Variants in GPRIN3 observed in about 807,000 individuals in gnomAD.
GPRIN3 encodes the protein GPRIN family member 3.
In GPRIN3, 12 loss-of-function variants were observed where a neutral mutation model predicts 13.7. The observed-to-expected ratio is 0.87, with a 90% CI of 0.56 to 1.42. The LOEUF is 1.42. Among genes scored for constraint, GPRIN3 ranks in the 40% most tolerant of loss-of-function variants. The pLI, the probability that GPRIN3 is intolerant of heterozygous loss-of-function variation, is 0.00. For synonymous variants in GPRIN3, 377 were observed against 372.7 expected (o/e 1.01, Z -0.13); for missense variants, 1,009 against 958.7 (o/e 1.05, Z -0.69).
chr4:89,284,522 A>G lies in GPRIN3; in HGVS notation c.-124+23093T>C, dbSNP rs183070790. Among the ~76,000 whole-genome samples the G allele has an allele frequency of 7.0e-4, 107 of 152,304 alleles. 3 individuals carry two copies. Among genetic ancestry groups the G allele is most frequent in the Admixed American group, 6.9e-3 (105 of 15,308 alleles). On this transcript the variant is annotated intron_variant, in intron 1 of 1. Coordinates refer to ENST00000609438, the MANE Select transcript of GPRIN3 (RefSeq NM_198281.3). Reference sequence around the variant, plus strand: ...CTCTAGGATTGTTGTGCATTCTTAGAAGAGAGTTTTGCACACAGGTTAGCT... The same window carrying G: ...CTCTAGGATTGTTGTGCATTCTTAGGAGAGAGTTTTGCACACAGGTTAGCT...
At chr4:89,289,868 TG>T (rs1724525608) in intron 1 of GPRIN3, among the ~76,000 whole-genome samples, 1 of 152,118 alleles carries the variant, frequency 6.6e-6, no homozygotes, top group Non-Finnish European at 1.5e-5. Context: ...CTCAAAAGTC[TG>T]TCAGTAACTT....
At chr4:89,282,981 T>A (rs533268827) in intron 1 of GPRIN3, among the ~76,000 whole-genome samples, 28 of 152,350 alleles carry the variant, frequency 1.8e-4, no homozygotes, top group Admixed American at 1.7e-3. Flanking sequence ...AATGGAGGAA[T>A]GTTTTTCTGA....
intron 1 of GPRIN3, among the ~76,000 whole-genome samples, chr4:89,255,970 C>T (rs190422956): frequency 3.3e-5 from 5 of 152,270 alleles, no homozygotes; most frequent in Admixed American, 6.5e-5. Context: ...TCCTTAAAAT[C>T]GTGAGCAGAG....
intron 1 of GPRIN3, among the ~76,000 whole-genome samples, chr4:89,280,709 C>T (rs181943378): frequency 6.6e-6 from 1 of 152,198 alleles, no homozygotes; most frequent in East Asian, 1.9e-4. Context: ...AGGGTGGGCC[C>T]TAAATCCAAT....
At position 89,244,023 on chromosome 4, in the gene GPRIN3, T is replaced by A. The variant is rs1249308809; in HGVS notation, c.*3757A>T. On this transcript the variant is annotated 3_prime_UTR_variant, in exon 2 of 2. Transcript: ENST00000609438. ...AATTTATATTAACAGCACACTTGCA[T>A]ATATCCTCTGTAAACACATTTTAAA... 4.6e-5 allele frequency: 7 copies of A among 152,216 alleles called. No individual in the cohort carries two copies. Among genetic ancestry groups the A allele is most frequent in the Admixed American group, 4.6e-4 (7 of 15,282 alleles). The allele number at this position is 152,216 out of a possible 1,614,324, so 9.4% of individuals were successfully genotyped here.
chr4:89,247,123 C>G lies in GPRIN3; in HGVS notation c.*657G>C, dbSNP rs1045868073. The stretch of plus-strand genomic sequence containing the variant: ...AGCTTAGCTAATGTTCCTAATATAA[C>G]TTTCTTATATTTATTAACAGCAATA... On this transcript the variant is annotated 3_prime_UTR_variant, in exon 2 of 2. Coordinates refer to ENST00000609438, the MANE Select transcript of GPRIN3 (RefSeq NM_198281.3). 1 of 152,172 alleles carries G rather than the reference C, an allele frequency of 6.6e-6. No homozygotes were observed. The highest frequency in any genetic ancestry group is 1.5e-5 in the Non-Finnish European group (1 of 68,038). 9.4% of individuals were successfully genotyped at this position (152,172 alleles called of 1,614,324 possible). A position where few individuals can be genotyped will look rare whatever the true frequency, so the allele number is the denominator to read the frequency against.
intron 1 of GPRIN3, 65 bp from the exon 2 acceptor site, chr4:89,250,298 A>C: frequency 6.7e-6 from 8 of 1,190,658 alleles, no homozygotes; most frequent in African/African-American, 1.5e-5. Context: ...AATAAACCAA[A>C]CTGTCGTTTT....
chr4:89,278,970 G>C (rs928112219), intron 1 of GPRIN3, among the ~76,000 whole-genome samples: 1 of 152,176 alleles, frequency 6.6e-6, no homozygotes, highest in African/African-American at 2.4e-5. Context: ...CCAAACCCTT[G>C]GTTCCATTTA....
chr4:89,253,137 C>A (rs929266072), intron 1 of GPRIN3, among the ~76,000 whole-genome samples: 1 of 151,538 alleles, frequency 6.6e-6, no homozygotes, highest in African/African-American at 2.4e-5. Context: ...TTTCCAAAAA[C>A]ACTGCAAGCC....
chr4:89,304,786 CATAAAA>C (rs983887684), intron 1 of GPRIN3, among the ~76,000 whole-genome samples: 6 of 152,220 alleles, frequency 3.9e-5, no homozygotes, highest in African/African-American at 1.4e-4. Flanking sequence ...GCCCTATTCT[CATAAAA>C]ATAAGAATCC....
At chr4:89,289,431 G>A (rs1336815482) in intron 1 of GPRIN3, among the ~76,000 whole-genome samples, 3 of 151,964 alleles carry the variant, frequency 2.0e-5, no homozygotes, top group Non-Finnish European at 2.9e-5. Flanking sequence ...TAGAGTCATA[G>A]AGTCACCAAC....
At chr4:89,260,334 C>T (rs1723590176) in intron 1 of GPRIN3, among the ~76,000 whole-genome samples, 1 of 152,076 alleles carries the variant, frequency 6.6e-6, no homozygotes, top group African/African-American at 2.4e-5. Context: ...AACCAGGCTG[C>T]CTGAGAGAAT....
rs754866029 is a variant in GPRIN3 at position 89,249,334 on chromosome 4, G to A, written c.777C>T (p.Gly259=). The change falls in exon 2 of 2, where the codon GGC becomes GGT. Residue 259 remains glycine (G), a synonymous_variant. Coordinates refer to ENST00000609438, the MANE Select transcript of GPRIN3 (RefSeq NM_198281.3). ...QPSVTASGPQ[G]TTSVTPQPTP... ...TTGGTTGAGGTGTCACAGAAGTTGT[G>A]CCTTGGGGGCCCGAGGCAGTGACAG... The A allele has an allele frequency of 1.2e-5, 20 of 1,614,018 alleles. No individual in the cohort carries two copies. In the South Asian group the frequency reaches 2.0e-4, roughly 16 times the overall value.
chr4:89,265,981 G>A (rs899687059), intron 1 of GPRIN3, among the ~76,000 whole-genome samples: 1 of 152,150 alleles, frequency 6.6e-6, no homozygotes, highest in Non-Finnish European at 1.5e-5. Flanking sequence ...CCATACTCAG[G>A]TAAATTAACA....
intron 1 of GPRIN3, among the ~76,000 whole-genome samples, chr4:89,272,794 T>G (rs1723995094): frequency 6.6e-6 from 1 of 152,202 alleles, no homozygotes; most frequent in Non-Finnish European, 1.5e-5. Flanking sequence ...AAAACAACAC[T>G]TATCTTCTGA....
rs916082825 is a variant in GPRIN3, at chr4:89,240,669, T to A, written c.*7111A>T. 1 of 151,778 alleles carries A rather than the reference T, an allele frequency of 6.6e-6. No homozygotes were observed. The highest frequency in any genetic ancestry group is 1.5e-5 in the Non-Finnish European group (1 of 67,966). 9.4% of individuals were successfully genotyped at this position (151,778 alleles called of 1,614,324 possible). A position where few individuals can be genotyped will look rare whatever the true frequency, so the allele number is the denominator to read the frequency against. On this transcript the variant is annotated 3_prime_UTR_variant, in exon 2 of 2. Transcript: ENST00000609438. ...CCAGTCTGTGCTTCAGTTGCTGGAG[T>A]TTTCTAAGCACAAAATCTGCTACCA...
At position 89,293,241 on chromosome 4, in the gene GPRIN3, A is replaced by G. The variant is rs116728733; in HGVS notation, c.-124+14374T>C. On this transcript the variant is annotated intron_variant, in intron 1 of 1. Transcript: ENST00000609438. ...ACTTCCTGCAGAAATGACTGCAAACATTTCTCCTTTTATGGGCTAGCATCC... is the reference window on the plus strand; with the variant it reads ...ACTTCCTGCAGAAATGACTGCAAACGTTTCTCCTTTTATGGGCTAGCATCC... 5.9e-3 allele frequency among the ~76,000 whole-genome samples: 905 copies of G among 152,252 alleles called. 19 individuals carry two copies. Among genetic ancestry groups the G allele is most frequent in the African/African-American group, 0.021 (860 of 41,534 alleles).
chr4:89,298,651 T>TTACA (rs1303181530), intron 1 of GPRIN3, among the ~76,000 whole-genome samples: 5 of 151,796 alleles, frequency 3.3e-5, no homozygotes, highest in South Asian at 2.1e-4. Flanking sequence ...AAACAGGGTT[T>TTACA]TACATACATA....
Position 89,245,407 on chromosome 4 carries a change from A to G in GPRIN3, c.*2373T>C, listed in dbSNP as rs1213574213. On this transcript the variant is annotated 3_prime_UTR_variant, in exon 2 of 2. Coordinates refer to ENST00000609438, the MANE Select transcript of GPRIN3 (RefSeq NM_198281.3). ...TAGACATAACCACAATAGCAAATCT[A>G]GCAATTTTAATGTATTTAATGTGAG... 2 of 152,256 alleles carry G rather than the reference A, an allele frequency of 1.3e-5. No homozygotes were observed. Among genetic ancestry groups the G allele is most frequent in the Admixed American group, 1.3e-4 (2 of 15,292 alleles). 9.4% of individuals were successfully genotyped at this position (152,256 alleles called of 1,614,324 possible).
Sources: gnomAD v4.1 joint callset for allele counts (sites outside exome capture counted in the v4.1 genomes callset) on GRCh38, gnomAD v4.1.1 for gene constraint, MANE v1.5 for transcripts, NCBI Gene and HGNC (gene_info 2026-07-23, HGNC 2026-07-21) for gene names.